RAPGEF4: variants seen among roughly 807,000 people sequenced by gnomAD.
RAPGEF4 encodes the protein RAP guanine-nucleotide-exchange factor (GEF) 4.
A neutral mutation model predicts 147.9 loss-of-function variants in RAPGEF4; 66 were observed. That is an observed-to-expected ratio of 0.45 (90% CI 0.37 to 0.55). RAPGEF4 has a LOEUF of 0.55. Ranked by LOEUF, RAPGEF4 falls within the 20% of genes least tolerant of loss-of-function variation. RAPGEF4 has a pLI of 0.00. For synonymous variants in RAPGEF4, 419 were observed against 442.7 expected (o/e 0.95, Z 0.67); for missense variants, 1,071 against 1,257.3 (o/e 0.85, Z 2.24).
At chr2:173,016,234 T>C in intron 18 of RAPGEF4, 115 bp from the exon 19 acceptor site, 1 of 680,850 alleles carries the variant, frequency 1.5e-6, no homozygotes, top group Non-Finnish European at 2.6e-6. Flanking sequence ...CATGAAGCCA[T>C]GGTCTGGAGA....
intron 30 of RAPGEF4, among the ~76,000 whole-genome samples, chr2:173,049,037 G>C (rs934065158): frequency 6.6e-6 from 1 of 150,910 alleles, no homozygotes; most frequent in Non-Finnish European, 1.5e-5. Flanking sequence ...TGATGACTCA[G>C]TTCAGTCAAT....
At chr2:172,960,678 T>G (rs1689193648) in intron 6 of RAPGEF4, 82 bp from the exon 7 acceptor site, 1 of 940,926 alleles carries the variant, frequency 1.1e-6, no homozygotes, top group Admixed American at 3.0e-5. Flanking sequence ...AAAATGGATG[T>G]TTCTTATTAT....
chr2:172,809,223 C>G (rs1435178071), intron 3 of RAPGEF4, among the ~76,000 whole-genome samples: 2 of 152,090 alleles, frequency 1.3e-5, no homozygotes, highest in Admixed American at 6.6e-5. Context: ...CAAGGCTGGT[C>G]TAACCAGGGG....
intron 4 of RAPGEF4, among the ~76,000 whole-genome samples, chr2:172,828,650 T>G (rs1414533553): frequency 6.6e-6 from 1 of 152,096 alleles, no homozygotes; most frequent in Non-Finnish European, 1.5e-5. Context: ...GACTCCAACT[T>G]CAGGCCCACT....
chr2:172,765,215 T>C (rs1696713196), intron 1 of RAPGEF4, among the ~76,000 whole-genome samples: 1 of 152,212 alleles, frequency 6.6e-6, no homozygotes. Flanking sequence ...AGAAGGACAC[T>C]GGTCATATTG....
intron 29 of RAPGEF4, among the ~76,000 whole-genome samples, chr2:173,041,479 TA>T (rs1684755127): frequency 6.6e-6 from 1 of 152,086 alleles, no homozygotes; most frequent in African/African-American, 2.4e-5. Flanking sequence ...TATAAACATC[TA>T]GAAAGTAACC....
intron 1 of RAPGEF4, among the ~76,000 whole-genome samples, chr2:172,778,040 C>T (rs1684337390): frequency 6.6e-6 from 1 of 152,074 alleles, no homozygotes; most frequent in South Asian, 2.1e-4. Context: ...CTACATAGTG[C>T]TTAGGTGACC....
rs1357690091 is a variant in RAPGEF4, at chr2:172,797,620, T to C, written c.297+7T>C. 6.2e-7 allele frequency: 1 copy of C among 1,604,650 alleles called. No individual in the cohort carries two copies. Among genetic ancestry groups the C allele is most frequent in the Non-Finnish European group, 8.5e-7 (1 of 1,172,892 alleles). On this transcript the variant is annotated splice_region_variant and intron_variant, in intron 3 of 30. Transcript: ENST00000397081. ...TGAGACCAGCAGTCACCAGGTAATA[T>C]GGTCTATTTTTTTGAAAGTAGGATT... is the stretch of plus-strand genomic sequence containing the variant.
intron 1 of RAPGEF4, among the ~76,000 whole-genome samples, chr2:172,768,757 C>T (rs940342169): frequency 6.6e-6 from 1 of 152,214 alleles, no homozygotes; most frequent in African/African-American, 2.4e-5. Flanking sequence ...TACTGGTTTC[C>T]ATGAAAAGCT....
At chr2:172,923,155 C>T (rs1684935369) in intron 6 of RAPGEF4, among the ~76,000 whole-genome samples, 1 of 152,224 alleles carries the variant, frequency 6.6e-6, no homozygotes, top group African/African-American at 2.4e-5. Context: ...TCTCAGATAT[C>T]AGTCTCTGGC....
chr2:172,792,101 T>C (rs1321780185), intron 1 of RAPGEF4, among the ~76,000 whole-genome samples: 1 of 152,228 alleles, frequency 6.6e-6, no homozygotes, highest in East Asian at 1.9e-4. Context: ...CTGCTACCAG[T>C]GCTTCTGTGG....
chr2:172,972,497 A>G (rs1163461591), intron 10 of RAPGEF4, among the ~76,000 whole-genome samples: 2 of 152,246 alleles, frequency 1.3e-5, no homozygotes, highest in African/African-American at 4.8e-5. Context: ...GAAGTAAGAC[A>G]GTCACGGCGA....
chr2:172,873,219 C>T (rs567147527), intron 4 of RAPGEF4, among the ~76,000 whole-genome samples: 66 of 152,296 alleles, frequency 4.3e-4, no homozygotes, highest in African/African-American at 1.5e-3. Context: ...TTGGGAGACT[C>T]CTAAGAACCT....
chr2:172,928,717 A>G (rs1175340046), intron 6 of RAPGEF4, among the ~76,000 whole-genome samples: 1 of 152,158 alleles, frequency 6.6e-6, no homozygotes, highest in East Asian at 1.9e-4. Flanking sequence ...CAGCTGAGAT[A>G]TACTGCACGG....
intron 4 of RAPGEF4, among the ~76,000 whole-genome samples, chr2:172,858,566 A>G (rs1693695383): frequency 6.6e-6 from 1 of 152,234 alleles, no homozygotes; most frequent in African/African-American, 2.4e-5. Flanking sequence ...TTCCCAGTGA[A>G]ATAAAACTGA....
intron 4 of RAPGEF4, among the ~76,000 whole-genome samples, chr2:172,834,163 G>T (rs1020772695): frequency 6.6e-6 from 1 of 152,144 alleles, no homozygotes; most frequent in Non-Finnish European, 1.5e-5. Flanking sequence ...TTGGCTGCAT[G>T]GTCTCTCTTT....
chr2:172,912,261 A>G (rs1314994633), intron 4 of RAPGEF4, among the ~76,000 whole-genome samples: 1 of 152,212 alleles, frequency 6.6e-6, no homozygotes, highest in Non-Finnish European at 1.5e-5. Flanking sequence ...TGAAAATCTT[A>G]ATAGGTTTCT....
chr2:173,004,997 G>T (rs1030403088), intron 17 of RAPGEF4, among the ~76,000 whole-genome samples: 1 of 151,894 alleles, frequency 6.6e-6, no homozygotes, highest in Non-Finnish European at 1.5e-5. Flanking sequence ...GGGCAACAAG[G>T]GGGCAAAGAT....
intron 4 of RAPGEF4, among the ~76,000 whole-genome samples, chr2:172,836,471 A>C (rs1231779239): frequency 6.6e-6 from 1 of 152,230 alleles, no homozygotes; most frequent in Non-Finnish European, 1.5e-5. Flanking sequence ...CATTCTGTCC[A>C]TGTGATTAAA....
Sources: allele counts gnomAD v4.1 joint callset (sites outside exome capture counted in the v4.1 genomes callset), GRCh38; gene constraint gnomAD v4.1.1; transcripts MANE v1.5; gene names NCBI Gene and HGNC (gene_info 2026-07-23, HGNC 2026-07-21).